VGLL4: variants seen among roughly 807,000 people sequenced by gnomAD.
The protein encoded by VGLL4 is vestigial like family member 4.
A neutral mutation model predicts 21.0 loss-of-function variants in VGLL4; 7 were observed. That is an observed-to-expected ratio of 0.33 (90% CI 0.19 to 0.63). The LOEUF is 0.63. VGLL4 is among the 20% of genes least tolerant of loss of function. The pLI is 0.78. For synonymous variants in VGLL4, 222 were observed against 173.2 expected (o/e 1.28, Z -2.21); for missense variants, 394 against 425.7 (o/e 0.93, Z 0.66).
intron 2 of VGLL4, among the ~76,000 whole-genome samples, chr3:11,665,981 T>G (rs961888573): frequency 1.3e-5 from 2 of 152,116 alleles, no homozygotes; most frequent in African/African-American, 4.8e-5. Context: ...CCGGGCGCGG[T>G]GGCTCACGCC....
intron 2 of VGLL4, among the ~76,000 whole-genome samples, chr3:11,585,477 G>A (rs2074341213): frequency 1.3e-5 from 2 of 151,572 alleles, no homozygotes; most frequent in South Asian, 4.2e-4. Context: ...GACTTCAATG[G>A]AGCCTTGAAT....
chr3:11,616,813 C>T (rs2075171534), intron 1 of VGLL4, among the ~76,000 whole-genome samples: 1 of 152,106 alleles, frequency 6.6e-6, no homozygotes, highest in Non-Finnish European at 1.5e-5. Context: ...CTGGTCTTTG[C>T]CTCGAAAATT....
chr3:11,715,796 T>C (rs1245007110), intron 1 of VGLL4, among the ~76,000 whole-genome samples: 5 of 152,182 alleles, frequency 3.3e-5, no homozygotes, highest in Non-Finnish European at 7.3e-5. Context: ...TTTACGTATG[T>C]TTCTGTTTAA....
intron 2 of VGLL4, among the ~76,000 whole-genome samples, chr3:11,667,362 C>T (rs1038597739): frequency 1.1e-4 from 17 of 152,218 alleles, no homozygotes; most frequent in African/African-American, 4.1e-4. Context: ...AACGTTCATA[C>T]ATGTTATCTG....
Position 11,643,592 on chromosome 3 carries a change from C to T in VGLL4, c.-74G>A. ...GTTAAGTTTCAAAAATCAATTGTTGCTGAGTAGCTCCTGGCTCTTCAACTT... is the reference window on the plus strand; with the variant it reads ...GTTAAGTTTCAAAAATCAATTGTTGTTGAGTAGCTCCTGGCTCTTCAACTT... On this transcript the variant is annotated 5_prime_UTR_variant, in exon 1 of 5. Transcript: ENST00000430365. The T allele has an allele frequency of 2.5e-6, 4 of 1,603,842 alleles. No individual in the cohort carries two copies. Among genetic ancestry groups the T allele is most frequent in the South Asian group, 2.2e-5 (2 of 90,500 alleles).
chr3:11,606,698 G>C (rs6796274), intron 1 of VGLL4, among the ~76,000 whole-genome samples: 142,548 of 152,232 alleles, frequency 0.94, 66,872 homozygotes, highest in African/African-American at 0.95. Flanking sequence ...CTCTCTGTGG[G>C]TAGCTAAAGG....
intron 2 of VGLL4, among the ~76,000 whole-genome samples, chr3:11,701,821 G>A (rs973852486): frequency 6.6e-6 from 1 of 152,128 alleles, no homozygotes; most frequent in African/African-American, 2.4e-5. Context: ...TTTTTTTGTT[G>A]TTATTAATAT....
chr3:11,616,470 AG>A (rs1359057651), intron 1 of VGLL4, among the ~76,000 whole-genome samples: 4 of 152,194 alleles, frequency 2.6e-5, no homozygotes, highest in African/African-American at 9.7e-5. Context: ...CCTTTCCTAG[AG>A]CAGGCTCCAG....
At chr3:11,587,744 T>C (rs145612385) in intron 2 of VGLL4, among the ~76,000 whole-genome samples, 3 of 152,354 alleles carry the variant, frequency 2.0e-5, no homozygotes, top group African/African-American at 4.8e-5. Context: ...ACTGAATTCC[T>C]CACTTTCATA....
intron 2 of VGLL4, chr3:11,671,439 T>A (rs1559936311): frequency 1.3e-6 from 1 of 759,780 alleles, no homozygotes; most frequent in East Asian, 2.5e-5. Context: ...AACACAGTTG[T>A]CCCTCAGTAT....
intron 2 of VGLL4, among the ~76,000 whole-genome samples, chr3:11,579,106 A>G (rs1041864861): frequency 1.3e-5 from 2 of 151,882 alleles, no homozygotes; most frequent in African/African-American, 4.8e-5. Flanking sequence ...CTGAGAGCCA[A>G]TCATGTAGTG....
rs2076466853 is a variant in VGLL4, at chr3:11,687,479, G to GT, written c.64+15491dup. Among the ~76,000 whole-genome samples the GT allele has an allele frequency of 5.9e-5, 9 of 152,044 alleles. No individual in the cohort carries two copies. In the South Asian group the frequency reaches 1.9e-3, roughly 32 times the overall value. ...GGGAATGAGTTTTGTTTTTGTTTTT[G>GT]TTTTTTTGTTTAAGAGATATGGCTC... On this transcript the variant is annotated intron_variant, in intron 2 of 5. Coordinates refer to the VGLL4 transcript ENST00000273038.
intron 1 of VGLL4, among the ~76,000 whole-genome samples, chr3:11,704,268 A>G (rs1044488415): frequency 1.3e-5 from 2 of 151,534 alleles, no homozygotes; most frequent in Non-Finnish European, 1.5e-5. Context: ...TTGTAATCCC[A>G]GCTACTCAAG....
intron 2 of VGLL4, among the ~76,000 whole-genome samples, chr3:11,566,471 C>T (rs922359240): frequency 6.6e-6 from 1 of 152,188 alleles, no homozygotes; most frequent in Non-Finnish European, 1.5e-5. Context: ...AAGGCAAATC[C>T]AACCACATCC....
chr3:11,614,326 C>A (rs918405536), intron 1 of VGLL4, among the ~76,000 whole-genome samples: 4 of 152,226 alleles, frequency 2.6e-5, no homozygotes, highest in African/African-American at 9.6e-5. Context: ...GGCTCCAACT[C>A]AAAAACTACT....
intron 1 of VGLL4, among the ~76,000 whole-genome samples, chr3:11,606,361 C>T (rs899212740): frequency 1.8e-4 from 28 of 152,090 alleles, no homozygotes; most frequent in South Asian, 2.1e-4. Context: ...CAAGGAAATG[C>T]GAATCAATAC....
intron 2 of VGLL4, among the ~76,000 whole-genome samples, chr3:11,659,892 G>A (rs2076014387): frequency 6.6e-6 from 1 of 152,136 alleles, no homozygotes; most frequent in African/African-American, 2.4e-5. Context: ...GCCGGGCGCG[G>A]TGGCTCACGC....
chr3:11,615,912 C>T (rs1038160084), intron 1 of VGLL4, among the ~76,000 whole-genome samples: 5 of 152,200 alleles, frequency 3.3e-5, no homozygotes, highest in African/African-American at 1.2e-4. Context: ...CTGTATGGTT[C>T]AGGCAAATAA....
intron 3 of VGLL4, among the ~76,000 whole-genome samples, chr3:11,560,275 T>C (rs4684790): frequency 0.85 from 129,078 of 152,254 alleles, 54,830 homozygotes; most frequent in African/African-American, 0.9. Context: ...AGCTTTGGTG[T>C]GGAACCTGGG....
Sources: gnomAD v4.1 joint callset for allele counts (sites outside exome capture counted in the v4.1 genomes callset) on GRCh38, gnomAD v4.1.1 for gene constraint, MANE v1.5 for transcripts, NCBI Gene and HGNC (gene_info 2026-07-23, HGNC 2026-07-21) for gene names.